CATSPERB: variants seen among roughly 807,000 people sequenced by gnomAD.
The protein encoded by CATSPERB is catsper channel auxiliary subunit beta.
Under a neutral mutation model 128.3 loss-of-function variants are expected in CATSPERB, and 93 were observed. The ratio of observed to expected loss-of-function variants is 0.72; its 90% CI spans 0.61 to 0.86. The LOEUF (loss-of-function observed/expected upper bound fraction) is 0.86, where lower values mean the gene tolerates loss of function less well. CATSPERB is among the 40% of genes least tolerant of loss of function. The pLI is 0.00. For synonymous variants in CATSPERB, 381 were observed against 448.8 expected (o/e 0.85, Z 1.91); for missense variants, 1,153 against 1,329.5 (o/e 0.87, Z 2.06).
chr14:91,716,813 T>C (rs1443550858), intron 5 of CATSPERB, among the ~76,000 whole-genome samples: 1 of 150,474 alleles, frequency 6.6e-6, no homozygotes, highest in Admixed American at 6.6e-5. Flanking sequence ...GAATGCAAAA[T>C]GATAAAGCCA....
At chr14:91,594,692 G>A (rs1276985380) in intron 22 of CATSPERB, among the ~76,000 whole-genome samples, 2 of 152,094 alleles carry the variant, frequency 1.3e-5, no homozygotes, top group South Asian at 2.1e-4. Flanking sequence ...TTTTTAGCAG[G>A]TTGTGAAACC....
intron 17 of CATSPERB, among the ~76,000 whole-genome samples, chr14:91,628,653 G>A (rs886656041): frequency 1.3e-5 from 2 of 152,142 alleles, no homozygotes; most frequent in African/African-American, 2.4e-5. Flanking sequence ...CATGTAAGAC[G>A]TGCCTTGCTT....
chr14:91,670,689 A>G (rs574684188), intron 13 of CATSPERB, among the ~76,000 whole-genome samples: 81 of 149,906 alleles, frequency 5.4e-4, no homozygotes, highest in Non-Finnish European at 8.6e-4. Flanking sequence ...AGAAAAAAAA[A>G]AGAGATATGA....
At chr14:91,693,007 G>T in intron 9 of CATSPERB, 119 bp downstream of exon 9, 2 of 737,374 alleles carry the variant, frequency 2.7e-6, no homozygotes, top group Non-Finnish European at 2.3e-6. Context: ...TATGTTTTTC[G>T]AAAGAAAGAA....
At chr14:91,614,508 C>T (rs1047381056) in intron 20 of CATSPERB, among the ~76,000 whole-genome samples, 11 of 152,056 alleles carry the variant, frequency 7.2e-5, no homozygotes, top group African/African-American at 2.7e-4. Context: ...ACTAAAAACA[C>T]AAAAATTAGC....
intron 17 of CATSPERB, among the ~76,000 whole-genome samples, chr14:91,632,878 A>G (rs1263871138): frequency 6.6e-6 from 1 of 152,112 alleles, no homozygotes; most frequent in Non-Finnish European, 1.5e-5. Context: ...ACCTACCTAA[A>G]GGCAGGAGAT....
intron 15 of CATSPERB, among the ~76,000 whole-genome samples, chr14:91,647,249 A>G (rs2139812070): frequency 6.6e-6 from 1 of 152,274 alleles, no homozygotes; most frequent in East Asian, 1.9e-4. Flanking sequence ...GTGAGTGTGT[A>G]TGGATTTACC....
intron 2 of CATSPERB, among the ~76,000 whole-genome samples, chr14:91,727,235 AC>A (rs1296646117): frequency 1.3e-5 from 2 of 152,308 alleles, no homozygotes; most frequent in Non-Finnish European, 2.9e-5. Context: ...GGTAGTGAGC[AC>A]AGTGCCCTCC....
intron 1 of CATSPERB, among the ~76,000 whole-genome samples, chr14:91,729,762 A>G (rs757940268): frequency 5.1e-4 from 77 of 152,350 alleles, no homozygotes; most frequent in Non-Finnish European, 5.9e-4. Flanking sequence ...GATCAGTTAC[A>G]CAGCTATGTA....
At chr14:91,725,245 G>T in intron 2 of CATSPERB, 77 bp from the exon 3 acceptor site, 1 of 562,952 alleles carries the variant, frequency 1.8e-6, no homozygotes, top group South Asian at 4.6e-5. Flanking sequence ...TTCTAAAACT[G>T]ACAAAATATT....
intron 13 of CATSPERB, among the ~76,000 whole-genome samples, chr14:91,672,055 A>AAT (rs1895104315): frequency 7.3e-6 from 1 of 136,964 alleles, no homozygotes; most frequent in South Asian, 2.4e-4. Flanking sequence ...ACAACAACAA[A>AAT]AAGATGGTAC....
chr14:91,624,952 A>T lies in CATSPERB; in HGVS notation c.1798T>A (p.Phe600Ile). 6.2e-7 allele frequency: 1 copy of T among 1,611,686 alleles called. No individual in the cohort carries two copies. The highest frequency in any genetic ancestry group is 8.5e-7 in the Non-Finnish European group (1 of 1,179,374). The change falls in exon 18 of 27, where the codon TTT becomes ATT. Residue 600 changes from phenylalanine to isoleucine, a missense_variant. Phe to Ile is a conservative substitution (Grantham distance 21). Transcript: ENST00000256343. The stretch of plus-strand genomic sequence containing the variant: ...ATTTCTGCAATAACTGAGGACAAAA[A>T]TCCTTTAGGAGTCGTATGTTGCAAT... The part of the protein sequence containing the change: ...KVLQHTTPKG[F>I]LSSVIAEMKE...
intron 2 of CATSPERB, among the ~76,000 whole-genome samples, chr14:91,726,379 T>C (rs1896120435): frequency 1.3e-5 from 2 of 152,078 alleles, no homozygotes; most frequent in African/African-American, 4.8e-5. Flanking sequence ...CCCCATCCCG[T>C]AAGGGGTTCG....
intron 15 of CATSPERB, among the ~76,000 whole-genome samples, chr14:91,656,458 T>C (rs1390031936): frequency 6.6e-6 from 1 of 151,778 alleles, no homozygotes; most frequent in Non-Finnish European, 1.5e-5. Flanking sequence ...ACAACAGATA[T>C]GCAAAAAATA....
Position 91,727,011 on chromosome 14 carries a change from G to A in CATSPERB, c.80-1843C>T, listed in dbSNP as rs115813904. Among the ~76,000 whole-genome samples, 791 of 152,280 alleles carry A rather than the reference G, an allele frequency of 5.2e-3. 7 individuals are homozygous for A. The highest frequency in any genetic ancestry group is 0.018 in the African/African-American group (739 of 41,550). On this transcript the variant is annotated intron_variant, in intron 2 of 26. Transcript: ENST00000256343. The stretch of plus-strand genomic sequence containing the variant: ...TTCCCACCAGCACAGGCCCAGATAG[G>A]GAACAGGGAAGAAGCTTCAATTATA...
At chr14:91,621,571 A>G (rs1303918528) in intron 19 of CATSPERB, 37 bp downstream of exon 19, 2 of 1,426,384 alleles carry the variant, frequency 1.4e-6, no homozygotes, top group East Asian at 2.3e-5. Flanking sequence ...AAGAAATAAC[A>G]TTTCCTTTTT....
intron 17 of CATSPERB, among the ~76,000 whole-genome samples, chr14:91,629,472 C>T (rs777227720): frequency 3.3e-5 from 5 of 151,992 alleles, no homozygotes; most frequent in Admixed American, 6.6e-5. Context: ...TTGTTCAAAC[C>T]CATTGAATTT....
intron 2 of CATSPERB, among the ~76,000 whole-genome samples, chr14:91,727,846 CCACATATATTACTGT>C (rs1271550118): frequency 6.6e-6 from 1 of 152,182 alleles, no homozygotes; most frequent in African/African-American, 2.4e-5. Context: ...ATACCTTGTG[CCACATATATTACTGT>C]CTCCTCTTTA....
intron 15 of CATSPERB, among the ~76,000 whole-genome samples, chr14:91,640,350 C>T (rs61988744): frequency 1.4e-3 from 200 of 143,312 alleles, no homozygotes; most frequent in African/African-American, 5.1e-3. Context: ...CCCACTAACT[C>T]GTCATCTAGC....
Sources: gnomAD v4.1 joint callset for allele counts (sites outside exome capture counted in the v4.1 genomes callset) on GRCh38, gnomAD v4.1.1 for gene constraint, MANE v1.5 for transcripts, NCBI Gene and HGNC (gene_info 2026-07-23, HGNC 2026-07-21) for gene names.